The following MAN2C1 variants were observed in gnomAD, a reference collection of about 807,000 sequenced individuals.
MAN2C1 encodes alpha-mannosidase 2C1.
Under a neutral mutation model 126.9 loss-of-function variants are expected in MAN2C1, and 111 were observed. The ratio of observed to expected loss-of-function variants is 0.87; its 90% CI spans 0.75 to 1.02. The LOEUF is 1.02. Among genes scored for constraint, MAN2C1 ranks in the 50% least tolerant of loss-of-function variants. The pLI is 0.00. For missense variants in MAN2C1, 1,363 were observed against 1,364.4 expected (o/e 1.00, Z 0.02); for synonymous variants, 567 against 561.5 (o/e 1.01, Z -0.14).
chr15:75,368,089 C>G lies in MAN2C1; in HGVS notation c.211G>C (p.Asp71His). ...QRDFRPAQVGDSFGPTWWTCW... is the reference protein window; with the variant it reads ...QRDFRPAQVGHSFGPTWWTCW... ...GTTACCTACGTGGGTCCGAAGCTGTCGCCGACCTGCGCGGGGCGGAAGTCC... is the reference window on the plus strand; with the variant it reads ...GTTACCTACGTGGGTCCGAAGCTGTGGCCGACCTGCGCGGGGCGGAAGTCC... The change falls in exon 2 of 26, where the codon GAC becomes CAC. Residue 71 changes from aspartate to histidine, a missense_variant. Coordinates refer to ENST00000267978, the MANE Select transcript of MAN2C1 (RefSeq NM_006715.4). 1 of 1,607,268 alleles carries G rather than the reference C, an allele frequency of 6.2e-7. No homozygotes were observed. Among genetic ancestry groups the G allele is most frequent in the East Asian group, 2.2e-5 (1 of 44,684 alleles).
intron 12 of MAN2C1, 101 bp downstream of exon 12, chr15:75,360,945 A>G: frequency 1.4e-6 from 2 of 1,437,066 alleles, no homozygotes. Flanking sequence ...TTGGGACAGG[A>G]CAAGGTCCAG....
At chr15:75,367,840 G>A in intron 2 of MAN2C1, 1 of 856,204 alleles carries the variant, frequency 1.2e-6, no homozygotes, top group Non-Finnish European at 1.8e-6. Context: ...TGATCCCTAG[G>A]GTGCCCTTCC....
Position 75,364,086 on chromosome 15 carries a change from G to A in MAN2C1, c.703C>T (p.Gln235Ter). 6.2e-7 allele frequency: 1 copy of A among 1,614,202 alleles called. No individual in the cohort carries two copies. The highest frequency in any genetic ancestry group is 1.1e-5 in the South Asian group (1 of 91,086). Residue 235 changes from glutamine (Q) to a stop codon, truncating the protein, a stop_gained, in exon 6 of 26, where the codon CAG becomes TAG. Coordinates refer to ENST00000267978, the MANE Select transcript of MAN2C1 (RefSeq NM_006715.4). LOFTEE classifies it high-confidence loss of function. ...PAQPETFPVA[Q>*]ALASRFFGQH... is the part of the protein sequence containing the mutation. ...CCAAAGAACCTGGAGGCCAGGGCCTGGGCCACTGGGAAGGTCTCGGGCTGG... is the reference window on the plus strand; with the variant it reads ...CCAAAGAACCTGGAGGCCAGGGCCTAGGCCACTGGGAAGGTCTCGGGCTGG...
rs371767655 is a variant in MAN2C1 at position 75,360,112 on chromosome 15, C to A, written c.1684G>T (p.Ala562Ser). 1 of 1,613,884 alleles carries A rather than the reference C, an allele frequency of 6.2e-7. No homozygotes were observed. Among genetic ancestry groups the A allele is most frequent in the Non-Finnish European group, 8.5e-7 (1 of 1,180,028 alleles). The change falls in exon 14 of 26, where the codon GCC becomes TCC. Residue 562 changes from alanine to serine, a missense_variant. By Grantham distance (99) the Ala-to-Ser change is moderately conservative. This residue lies in a region of MAN2C1 where 668 missense variants were observed against 650.1 expected (regional missense o/e 1.03). Coordinates refer to ENST00000267978, the MANE Select transcript of MAN2C1 (RefSeq NM_006715.4). ...ARSAQFLYPA[A>S]QLQHLWRLLL... ...GACCTCCAGAGGTGCTGCAGCTGGG[C>A]TGCTGGGTATAGGAACTGGGCACTG...
Position 75,368,102 on chromosome 15 carries a change from G to A in MAN2C1, c.198C>T (p.Pro66=). 1.2e-6 allele frequency: 2 copies of A among 1,607,622 alleles called. No homozygotes were observed. Among genetic ancestry groups the A allele is most frequent in the Non-Finnish European group, 1.7e-6 (2 of 1,177,920 alleles). ...YQEAVQRDFR[P]AQVGDSFGPT... ...GTCCGAAGCTGTCGCCGACCTGCGC[G>A]GGGCGGAAGTCCCGCTGGACTGCCT... The change falls in exon 2 of 26, where the codon CCC becomes CCT. Residue 66 remains proline, a synonymous_variant. Coordinates refer to ENST00000267978, the MANE Select transcript of MAN2C1 (RefSeq NM_006715.4).
intron 5 of MAN2C1, 34 bp downstream of exon 5, chr15:75,364,454 G>A: frequency 1.3e-6 from 2 of 1,533,728 alleles, no homozygotes; most frequent in South Asian, 1.2e-5. Flanking sequence ...CAGGGCTCTA[G>A]AGGGTAGCAG....
Position 75,364,584 on chromosome 15 carries a change from C to G in MAN2C1, c.504G>C (p.Glu168Asp), listed in dbSNP as rs1169112219. The change falls in exon 5 of 26, where the codon GAG (glutamate) becomes GAC (aspartate). Residue 168 changes from glutamate (E) to aspartate (D), a missense_variant. By Grantham distance (45) the Glu-to-Asp change is conservative. This residue lies in a region of MAN2C1 where 628 missense variants were observed against 609.8 expected (regional missense o/e 1.03). Transcript: ENST00000267978. ...CAGCCCGGCTCAGCTGGAACATCTT[C>G]TCAGGGTCAGGGGCTGCAATCATGC... ...KGSMIAAPDPEKMFQLSRAEL... is the reference protein window; with the variant it reads ...KGSMIAAPDPDKMFQLSRAEL... The G allele has an allele frequency of 3.1e-6, 5 of 1,613,458 alleles. No homozygotes were observed. Among genetic ancestry groups the G allele is most frequent in the Non-Finnish European group, 4.2e-6 (5 of 1,179,702 alleles).
At chr15:75,365,169 G>A (rs1239545891) in intron 4 of MAN2C1, among the ~76,000 whole-genome samples, 1 of 152,140 alleles carries the variant, frequency 6.6e-6, no homozygotes, top group African/African-American at 2.4e-5. Context: ...GCTAAGTCTA[G>A]AGCAAATTCC....
chr15:75,365,668 G>T (rs901175854), intron 4 of MAN2C1: 23 of 197,748 alleles, frequency 1.2e-4, no homozygotes, highest in Non-Finnish European at 1.3e-4. Context: ...GGCGGTCGCA[G>T]TGAGCCGAGA....
In MAN2C1 at chr15:75,368,464, G is replaced by A. The variant is rs996212114; in HGVS notation, c.101+19C>T. 5 of 1,542,992 alleles carry A rather than the reference G, an allele frequency of 3.2e-6. No homozygotes were observed. Among genetic ancestry groups the A allele is most frequent in the South Asian group, 1.2e-5 (1 of 83,928 alleles). ...CGCACGGTTGCGGTCGGCCGGCTGC[G>A]GGGGACCAGGGGCCACACCTGCCGC... is the stretch of plus-strand genomic sequence containing the variant. On this transcript the variant is annotated intron_variant, in intron 1 of 25. Coordinates refer to ENST00000267978, the MANE Select transcript of MAN2C1 (RefSeq NM_006715.4).
At chr15:75,368,294 C>T (rs1336446118) in intron 1 of MAN2C1, 96 bp from the exon 2 acceptor site, 5 of 1,507,122 alleles carry the variant, frequency 3.3e-6, no homozygotes, top group African/African-American at 1.4e-5. Flanking sequence ...CTGGATCCTC[C>T]GCCAAGAGGG....
At position 75,359,994 on chromosome 15, in the gene MAN2C1, G is replaced by T; in HGVS notation, c.1707-6C>A. 6.2e-7 allele frequency: 1 copy of T among 1,614,146 alleles called. No homozygotes were observed. Among genetic ancestry groups the T allele is most frequent in the Non-Finnish European group, 8.5e-7 (1 of 1,179,998 alleles). Reference sequence around the variant, plus strand: ...ACTGGTTCAGAAGAAGGAGCCTGCAGGGGCCAAGGGCAGGGATGGGAAGGC... The same window carrying T: ...ACTGGTTCAGAAGAAGGAGCCTGCATGGGCCAAGGGCAGGGATGGGAAGGC... On this transcript the variant is annotated splice_polypyrimidine_tract_variant and splice_region_variant and intron_variant, in intron 14 of 25. Coordinates refer to ENST00000267978, the MANE Select transcript of MAN2C1 (RefSeq NM_006715.4).
chr15:75,356,313 C>CTCCA lies in MAN2C1; in HGVS notation c.2870_2873dup (p.Glu958AspfsTer22). ...TCCCACCCCTTGCCTGCTTGACGGT[C>CTCCA]TCCAATACGACCGCGGGTGAAGACA... On this transcript the variant is annotated frameshift_variant, in exon 24 of 26. Transcript: ENST00000267978. LOFTEE classifies it high-confidence loss of function. This position sits in a 1 kb window ranked among gnomAD's most constrained non-coding sequence, Gnocchi z 5.8. The CTCCA allele has an allele frequency of 6.2e-7, 1 of 1,611,726 alleles. No homozygotes were observed. The highest frequency in any genetic ancestry group is 8.5e-7 in the Non-Finnish European group (1 of 1,179,282).
chr15:75,362,079 A>G lies in MAN2C1; in HGVS notation c.1009-132T>C. 1.3e-6 allele frequency: 1 copy of G among 747,316 alleles called. No homozygotes were observed. The highest frequency in any genetic ancestry group is 1.6e-5 in the South Asian group (1 of 62,104). 46.3% of individuals were successfully genotyped at this position (747,316 alleles called of 1,614,324 possible). ...ATGGGAGTTACAGCCAGAACTCAGGAAGGGCCCCTGTCCTTCAGGCCTGAC... is the reference window on the plus strand; with the variant it reads ...ATGGGAGTTACAGCCAGAACTCAGGGAGGGCCCCTGTCCTTCAGGCCTGAC... On this transcript the variant is annotated intron_variant, in intron 8 of 25. Transcript: ENST00000267978. The surrounding 1 kb of genome is among the most constrained non-coding windows in gnomAD (Gnocchi z 4.5).
In MAN2C1 at chr15:75,364,055, T is replaced by C. The variant is rs1443599260; in HGVS notation, c.734A>G (p.His245Arg). 2.5e-6 allele frequency: 4 copies of C among 1,614,132 alleles called. 1 individual carries two copies. Among genetic ancestry groups the C allele is most frequent in the South Asian group, 1.1e-5 (1 of 91,080 alleles). The change falls in exon 6 of 26, where the codon CAT (histidine) becomes CGT (arginine). Residue 245 changes from histidine to arginine, a missense_variant. Around this residue, in one of 3 missense-constraint regions of MAN2C1, gnomAD observed 628 missense variants for 609.8 expected, o/e 1.03. Coordinates refer to ENST00000267978, the MANE Select transcript of MAN2C1 (RefSeq NM_006715.4). ...AATGGTGTGTTGGCTTTCACCCCCA[T>C]GTTGGCCAAAGAACCTGGAGGCCAG... ...QALASRFFGQ[H>R]GGESQHTIHA...
At position 75,362,620 on chromosome 15, in the gene MAN2C1, C is replaced by T. The variant is rs1449472547; in HGVS notation, c.897+22G>A. The T allele has an allele frequency of 1.2e-6, 2 of 1,611,344 alleles. No individual in the cohort carries two copies. Among genetic ancestry groups the T allele is most frequent in the Admixed American group, 3.3e-5 (2 of 59,972 alleles). ...AGGGAGGGCCACGTGCTTCCCTCCTCCCTCACAGCTGTCCCTCTGACCTGG... is the reference window on the plus strand; with the variant it reads ...AGGGAGGGCCACGTGCTTCCCTCCTTCCTCACAGCTGTCCCTCTGACCTGG... On this transcript the variant is annotated intron_variant, in intron 7 of 25. Coordinates refer to ENST00000267978, the MANE Select transcript of MAN2C1 (RefSeq NM_006715.4). The surrounding 1 kb of genome is among the most constrained non-coding windows in gnomAD (Gnocchi z 4.5).
chr15:75,360,920 A>T (rs1453084900), intron 12 of MAN2C1, 126 bp downstream of exon 12: 5 of 1,313,616 alleles, frequency 3.8e-6, no homozygotes, highest in Non-Finnish European at 5.1e-6. Flanking sequence ...GTTTGGAGGA[A>T]CCCGTGGTCT....
intron 13 of MAN2C1, 50 bp downstream of exon 13, chr15:75,360,515 G>A (rs943097925): frequency 1.2e-6 from 2 of 1,603,176 alleles, no homozygotes; most frequent in Non-Finnish European, 1.7e-6. Flanking sequence ...CTGACCCTCT[G>A]CAGATCAAGG....
In MAN2C1 at chr15:75,368,444, G is replaced by A. The variant is rs761757601; in HGVS notation, c.101+39C>T. On this transcript the variant is annotated intron_variant, in intron 1 of 25. Coordinates refer to ENST00000267978, the MANE Select transcript of MAN2C1 (RefSeq NM_006715.4). The stretch of plus-strand genomic sequence containing the variant: ...CCCGGAAGGAAAGCTTGAGGCGCAC[G>A]GTTGCGGTCGGCCGGCTGCGGGGGA... The A allele has an allele frequency of 3.0e-5, 46 of 1,526,582 alleles. No homozygotes were observed. The East Asian group carries it at 9.6e-4, about 32-fold the overall frequency. The allele number at this position is 1,526,582 out of a possible 1,614,324, so 94.6% of individuals were successfully genotyped here.
Sources: allele counts gnomAD v4.1 joint callset (sites outside exome capture counted in the v4.1 genomes callset), GRCh38; gene constraint gnomAD v4.1.1; regional missense constraint gnomAD v4.1.1; non-coding constraint Gnocchi (gnomAD v3.1); transcripts MANE v1.5; gene names NCBI Gene and HGNC (gene_info 2026-07-23, HGNC 2026-07-21).